The following VIT variants were observed in gnomAD, a reference collection of about 807,000 sequenced individuals.
VIT encodes the protein vitrin.
Under a neutral mutation model 78.0 loss-of-function variants are expected in VIT, and 99 were observed. The observed-to-expected ratio is 1.27, with a 90% CI of 1.08 to 1.50. The LOEUF is 1.50. Among genes scored for constraint, VIT ranks in the 40% most tolerant of loss-of-function variants. The pLI, the probability that VIT is intolerant of heterozygous loss-of-function variation, is 0.00. For missense variants in VIT, 1,126 were observed against 875.3 expected (o/e 1.29, Z -3.61); for synonymous variants, 374 against 334.3 (o/e 1.12, Z -1.29).
At chr2:36,811,019 A>T (rs1667124504) in intron 15 of VIT, among the ~76,000 whole-genome samples, 2 of 152,214 alleles carry the variant, frequency 1.3e-5, no homozygotes, top group African/African-American at 2.4e-5. Flanking sequence ...AACAAGCCTT[A>T]ATGAATCAAC....
chr2:36,787,017 C>T lies in VIT; in HGVS notation c.911-112C>T. On this transcript the variant is annotated intron_variant, in intron 11 of 15. Transcript: ENST00000379242. Reference sequence around the variant, plus strand: ...ACCCTGCATCTTCCTACCTCTTTTTCCCTTTCTTTTCATTTCTCAGGGGGC... The same window carrying T: ...ACCCTGCATCTTCCTACCTCTTTTTTCCTTTCTTTTCATTTCTCAGGGGGC... 1.2e-5 allele frequency: 16 copies of T among 1,367,508 alleles called. No homozygotes were observed. The Admixed American group carries it at 1.2e-4, about 10-fold the overall frequency. 84.7% of individuals were successfully genotyped at this position (1,367,508 alleles called of 1,614,324 possible).
chr2:36,787,266 G>T lies in VIT; in HGVS notation c.1048G>T (p.Val350Phe). ...CCCTGCCGGTCCACTGATGGGTGTT[G>T]TCCAGTATGGGTAAGTGCAGTTAAT... ...IGPAGPLMGV[V>F]QYGDNPATHF... The change falls in exon 12 of 16, where the codon GTC becomes TTC. Residue 350 changes from valine to phenylalanine, a missense_variant. Transcript: ENST00000379242. 1.2e-6 allele frequency: 2 copies of T among 1,614,080 alleles called. No homozygotes were observed. The highest frequency in any genetic ancestry group is 1.7e-6 in the Non-Finnish European group (2 of 1,179,972).
chr2:36,719,707 A>G (rs1666375455), intron 2 of VIT, among the ~76,000 whole-genome samples: 1 of 152,182 alleles, frequency 6.6e-6, no homozygotes, highest in Non-Finnish European at 1.5e-5. Flanking sequence ...GCGTGGCGGA[A>G]GTAGGCAGAT....
chr2:36,766,365 C>CA (rs35023854), intron 6 of VIT, among the ~76,000 whole-genome samples: 46 of 150,828 alleles, frequency 3.0e-4, no homozygotes, highest in Admixed American at 2.4e-3. Context: ...GCTTTCTCTA[C>CA]AAAAAAAAAA....
chr2:36,756,670 C>T (rs1668785728), intron 5 of VIT, among the ~76,000 whole-genome samples: 1 of 152,134 alleles, frequency 6.6e-6, no homozygotes. Context: ...TGTCAGATAG[C>T]GGAAGGGTAT....
chr2:36,783,471 C>T (rs1234832653), intron 11 of VIT, 69 bp downstream of exon 11: 1 of 1,465,606 alleles, frequency 6.8e-7, no homozygotes, highest in African/African-American at 1.4e-5. Context: ...TCTCTTCCCA[C>T]TCACTCCCAC....
intron 13 of VIT, among the ~76,000 whole-genome samples, chr2:36,802,543 T>C (rs920204505): frequency 6.6e-6 from 1 of 152,194 alleles, no homozygotes; most frequent in African/African-American, 2.4e-5. Flanking sequence ...CTTTTCACCT[T>C]TGAACAATGC....
At chr2:36,727,585 A>G (rs1479364009) in intron 2 of VIT, among the ~76,000 whole-genome samples, 6 of 152,242 alleles carry the variant, frequency 3.9e-5, no homozygotes, top group African/African-American at 1.4e-4. Flanking sequence ...AAGGACAAGT[A>G]TCCAAGAGGT....
chr2:36,748,022 C>A (rs1300688278), intron 4 of VIT, among the ~76,000 whole-genome samples: 2 of 152,104 alleles, frequency 1.3e-5, no homozygotes, highest in East Asian at 3.8e-4. Flanking sequence ...GTTGGGATTT[C>A]TTTTCTTTAA....
At chr2:36,765,923 C>T (rs1328327303) in intron 6 of VIT, among the ~76,000 whole-genome samples, 2 of 152,258 alleles carry the variant, frequency 1.3e-5, no homozygotes, top group Non-Finnish European at 2.9e-5. Context: ...GCAGCTGATA[C>T]AGGTACACAG....
Position 36,703,263 on chromosome 2 carries a change from C to T in VIT, c.-19+6290C>T, listed in dbSNP as rs73924158. Among the ~76,000 whole-genome samples, 1,505 of 152,254 alleles carry T rather than the reference C, an allele frequency of 9.9e-3. 34 individuals are homozygous for T. The highest frequency in any genetic ancestry group is 0.035 in the African/African-American group (1,438 of 41,530). On this transcript the variant is annotated intron_variant, in intron 1 of 15. Transcript: ENST00000379242. Reference sequence around the variant, plus strand: ...GGAGTCAGAGATCAGAGAGCAAAAACTTCTTAAAGACAAGTTATAGGCATT... The same window carrying T: ...GGAGTCAGAGATCAGAGAGCAAAAATTTCTTAAAGACAAGTTATAGGCATT...
chr2:36,705,302 G>A (rs1665345052), intron 1 of VIT, among the ~76,000 whole-genome samples: 1 of 152,084 alleles, frequency 6.6e-6, no homozygotes, highest in South Asian at 2.1e-4. Flanking sequence ...GTTCTTTAGA[G>A]CTCATTTGGG....
At chr2:36,775,130 C>T (rs1669976584) in intron 9 of VIT, 63 bp downstream of exon 9, 1 of 1,583,610 alleles carries the variant, frequency 6.3e-7, no homozygotes, top group Non-Finnish European at 8.6e-7. Context: ...ACTTTGCAAA[C>T]ATGAGGACCT....
At chr2:36,811,825 A>T (rs1187171225) in intron 15 of VIT, among the ~76,000 whole-genome samples, 1 of 151,886 alleles carries the variant, frequency 6.6e-6, no homozygotes. Flanking sequence ...GGAACCTGCC[A>T]CCACACCCAG....
intron 12 of VIT, among the ~76,000 whole-genome samples, chr2:36,801,040 A>G (rs1473002196): frequency 1.3e-5 from 2 of 152,200 alleles, no homozygotes; most frequent in Non-Finnish European, 2.9e-5. Context: ...TTTCATCTAC[A>G]TGAGGAATCT....
chr2:36,800,242 G>A (rs1666221676), intron 12 of VIT, among the ~76,000 whole-genome samples: 1 of 152,132 alleles, frequency 6.6e-6, no homozygotes, highest in Admixed American at 6.5e-5. Context: ...CTACTCGGGA[G>A]GTTGAGGCAA....
Position 36,755,037 on chromosome 2 carries a change from A to G in VIT, c.392A>G (p.Glu131Gly). Reference protein sequence around the residue: ...VQSLSLPRWRESFIVLESKPK... With the variant: ...VQSLSLPRWRGSFIVLESKPK... ...TCGTTATCCCTACCACGATGGAGAG[A>G]ATCCTTTATCGTCTTAGGTATGACC... is the stretch of plus-strand genomic sequence containing the variant. Residue 131 changes from glutamate (E) to glycine (G), a missense_variant, in exon 5 of 16, where the codon GAA becomes GGA. By Grantham distance (98) the Glu-to-Gly change is moderately conservative (BLOSUM62 -2). Coordinates refer to ENST00000379242, the MANE Select transcript of VIT (RefSeq NM_053276.4). 6.2e-7 allele frequency: 1 copy of G among 1,614,122 alleles called. No individual in the cohort carries two copies. Among genetic ancestry groups the G allele is most frequent in the Non-Finnish European group, 8.5e-7 (1 of 1,179,988 alleles).
rs1664776529 is a variant in VIT at position 36,781,789 on chromosome 2, C to T, written c.847+18C>T. ...AGATGAAGGTAATTATACAGCCCAACCTCTCAGCCACGCGTGGATCAAGAT... is the reference window on the plus strand; with the variant it reads ...AGATGAAGGTAATTATACAGCCCAATCTCTCAGCCACGCGTGGATCAAGAT... On this transcript the variant is annotated intron_variant, in intron 10 of 15. Coordinates refer to ENST00000379242, the MANE Select transcript of VIT (RefSeq NM_053276.4). The T allele has an allele frequency of 1.2e-6, 2 of 1,613,894 alleles. No homozygotes were observed. The highest frequency in any genetic ancestry group is 1.7e-5 in the Admixed American group (1 of 60,006).
At chr2:36,790,782 A>G (rs1480134021) in intron 12 of VIT, among the ~76,000 whole-genome samples, 1 of 152,240 alleles carries the variant, frequency 6.6e-6, no homozygotes, top group African/African-American at 2.4e-5. Flanking sequence ...AGACTGAGAC[A>G]TCGTGTGTGG....
Sources: allele counts gnomAD v4.1 joint callset (sites outside exome capture counted in the v4.1 genomes callset), GRCh38; gene constraint gnomAD v4.1.1; transcripts MANE v1.5; gene names NCBI Gene and HGNC (gene_info 2026-07-23, HGNC 2026-07-21).